Variants in KIAA1328 observed in about 807,000 individuals in gnomAD.
The protein encoded by KIAA1328 is protein hinderin.
KIAA1328 carries 52 observed loss-of-function variants against 68.1 expected under a neutral mutation model. The ratio of observed to expected loss-of-function variants is 0.76; its 90% CI spans 0.61 to 0.96. The LOEUF (loss-of-function observed/expected upper bound fraction) is 0.96, where lower values mean the gene tolerates loss of function less well. Among genes scored for constraint, KIAA1328 ranks in the 40% least tolerant of loss-of-function variants. The pLI is 0.00. For synonymous variants in KIAA1328, 232 were observed against 239.4 expected (o/e 0.97, Z 0.28); for missense variants, 641 against 677.6 (o/e 0.95, Z 0.60).
At chr18:36,998,066 C>T (rs756444449) in intron 6 of KIAA1328, among the ~76,000 whole-genome samples, 44 of 152,146 alleles carry the variant, frequency 2.9e-4, no homozygotes, top group Non-Finnish European at 5.1e-4. Context: ...GGTCGCCCCA[C>T]CCTGCCCACC....
At chr18:37,156,222 C>T (rs961254788) in intron 7 of KIAA1328, among the ~76,000 whole-genome samples, 3 of 151,962 alleles carry the variant, frequency 2.0e-5, no homozygotes, top group African/African-American at 4.8e-5. Context: ...GCCTCACCAA[C>T]ATGGAGAAAC....
At chr18:36,836,764 AC>A (rs2046688725) in intron 3 of KIAA1328, among the ~76,000 whole-genome samples, 1 of 152,016 alleles carries the variant, frequency 6.6e-6, no homozygotes, top group Admixed American at 6.6e-5. Context: ...CTAGAAAGAA[AC>A]CCCATACCAA....
At position 37,179,089 on chromosome 18, in the gene KIAA1328, T is replaced by C. The variant is rs188630964; in HGVS notation, c.1523+6008T>C. Among the ~76,000 whole-genome samples the C allele has an allele frequency of 4.6e-5, 7 of 152,306 alleles. No homozygotes were observed. The East Asian group carries it at 1.4e-3, about 29-fold the overall frequency. Reference sequence around the variant, plus strand: ...AAGCTTTGATGTAATCCCATTTGTCTATTTTTGCTTTTGTTGCCTGTGCTT... The same window carrying C: ...AAGCTTTGATGTAATCCCATTTGTCCATTTTTGCTTTTGTTGCCTGTGCTT... On this transcript the variant is annotated intron_variant, in intron 9 of 9. Coordinates refer to ENST00000280020, the MANE Select transcript of KIAA1328 (RefSeq NM_020776.3).
intron 5 of KIAA1328, among the ~76,000 whole-genome samples, chr18:36,942,616 A>T (rs2050755583): frequency 6.6e-6 from 1 of 152,066 alleles, no homozygotes; most frequent in Non-Finnish European, 1.5e-5. Flanking sequence ...TTTTCATTTT[A>T]TAATCTGAAT....
chr18:37,113,053 G>A (rs978475795), intron 7 of KIAA1328, among the ~76,000 whole-genome samples: 17 of 152,126 alleles, frequency 1.1e-4, no homozygotes, highest in African/African-American at 2.7e-4. Flanking sequence ...TGAAAGGGAC[G>A]GGGAGAATGG....
intron 6 of KIAA1328, among the ~76,000 whole-genome samples, chr18:37,017,551 G>A (rs186525): frequency 0.6 from 90,732 of 151,932 alleles, 28,903 homozygotes; most frequent in East Asian, 0.87. Flanking sequence ...GTCTTATGCC[G>A]TCACTAGGGT....
intron 9 of KIAA1328, among the ~76,000 whole-genome samples, chr18:37,189,281 G>A (rs1477493316): frequency 1.3e-5 from 2 of 152,190 alleles, no homozygotes; most frequent in African/African-American, 4.8e-5. Flanking sequence ...AGAAGCAAAT[G>A]TAGTAGGGAA....
chr18:37,067,542 A>C lies in KIAA1328; in HGVS notation c.1229A>C (p.Asn410Thr). 2 of 1,520,940 alleles carry C rather than the reference A, an allele frequency of 1.3e-6. No individual in the cohort carries two copies. The highest frequency in any genetic ancestry group is 4.1e-5 in the Admixed American group (2 of 48,270). The allele number at this position is 1,520,940 out of a possible 1,614,324, so 94.2% of individuals were successfully genotyped here. Reference protein sequence around the residue: ...QQLHQSRLDYNCLLKSNCDGW... With the variant: ...QQLHQSRLDYTCLLKSNCDGW... ...CTTCACCAGTCTCGACTGGATTACAATTGGTGAGTACTGCCTGTTCTTTTT... is the reference window on the plus strand; with the variant it reads ...CTTCACCAGTCTCGACTGGATTACACTTGGTGAGTACTGCCTGTTCTTTTT... Residue 410 changes from asparagine (N) to threonine (T), a missense_variant, in exon 7 of 10, where the codon AAT becomes ACT. Physicochemically the swap from Asn to Thr is moderately conservative, Grantham distance 65. Transcript: ENST00000280020.
chr18:36,892,232 G>A (rs1034888179), intron 5 of KIAA1328, among the ~76,000 whole-genome samples: 1 of 151,998 alleles, frequency 6.6e-6, no homozygotes, highest in Non-Finnish European at 1.5e-5. Context: ...CACAAAAAAA[G>A]AATGTAAGTT....
intron 5 of KIAA1328, among the ~76,000 whole-genome samples, chr18:36,899,467 T>C (rs191110508): frequency 1.3e-5 from 2 of 152,036 alleles, no homozygotes; most frequent in Non-Finnish European, 2.9e-5. Flanking sequence ...CTGCATAATC[T>C]GACACTCTAC....
At chr18:36,982,625 TAGA>T (rs1411675123) in intron 6 of KIAA1328, among the ~76,000 whole-genome samples, 1 of 151,848 alleles carries the variant, frequency 6.6e-6, no homozygotes, top group Non-Finnish European at 1.5e-5. Flanking sequence ...TCCACACTAG[TAGA>T]AATGTTAAAG....
chr18:37,160,894 C>T (rs2059265581), intron 8 of KIAA1328, among the ~76,000 whole-genome samples: 1 of 152,158 alleles, frequency 6.6e-6, no homozygotes, highest in Non-Finnish European at 1.5e-5. Context: ...ATGTGGTAGA[C>T]TTTAAAGAAA....
chr18:37,057,162 C>G (rs2055944206), intron 6 of KIAA1328, among the ~76,000 whole-genome samples: 1 of 152,062 alleles, frequency 6.6e-6, no homozygotes, highest in Non-Finnish European at 1.5e-5. Context: ...ATATTGTTCA[C>G]TTTTATTACT....
At chr18:37,022,354 G>A (rs1334442598) in intron 6 of KIAA1328, among the ~76,000 whole-genome samples, 2 of 152,128 alleles carry the variant, frequency 1.3e-5, no homozygotes, top group African/African-American at 2.4e-5. Context: ...TAGAACCGTG[G>A]TTTAGACCCT....
intron 5 of KIAA1328, among the ~76,000 whole-genome samples, chr18:36,913,900 G>A (rs560976619): frequency 6.6e-6 from 1 of 152,276 alleles, no homozygotes; most frequent in South Asian, 2.1e-4. Context: ...TTGACCATCA[G>A]TTGCTTGTGT....
At position 36,842,913 on chromosome 18, in the gene KIAA1328, C is replaced by A. The variant is rs945871926; in HGVS notation, c.238-1295C>A. On this transcript the variant is annotated intron_variant, in intron 3 of 9. Transcript: ENST00000280020. Reference sequence around the variant, plus strand: ...TATATGCTTCTGATTCTCCACTTGTCCTTTCAAATGCCACTTTAAATTAAA... The same window carrying A: ...TATATGCTTCTGATTCTCCACTTGTACTTTCAAATGCCACTTTAAATTAAA... 2.0e-5 allele frequency among the ~76,000 whole-genome samples: 3 copies of A among 152,038 alleles called. No homozygotes were observed. The East Asian group carries it at 5.8e-4, about 29-fold the overall frequency.
chr18:36,907,108 G>A (rs900737286), intron 5 of KIAA1328, among the ~76,000 whole-genome samples: 1 of 151,962 alleles, frequency 6.6e-6, no homozygotes, highest in Admixed American at 6.6e-5. Context: ...CTGGTATAAA[G>A]GAATAAAGTT....
intron 4 of KIAA1328, among the ~76,000 whole-genome samples, chr18:36,877,302 A>T (rs1007387506): frequency 2.6e-5 from 4 of 151,922 alleles, no homozygotes; most frequent in Admixed American, 6.6e-5. Flanking sequence ...ATTGTGTGGG[A>T]GTCTAAGTCT....
intron 5 of KIAA1328, among the ~76,000 whole-genome samples, chr18:36,930,324 T>C (rs752036750): frequency 2.0e-4 from 31 of 152,244 alleles, no homozygotes; most frequent in Non-Finnish European, 3.5e-4. Context: ...GGAATTCAGT[T>C]TACCTGATTG....
Sources: allele counts gnomAD v4.1 joint callset (sites outside exome capture counted in the v4.1 genomes callset), GRCh38; gene constraint gnomAD v4.1.1; transcripts MANE v1.5; gene names NCBI Gene and HGNC (gene_info 2026-07-23, HGNC 2026-07-21).